Variants in NTM observed in about 807,000 individuals in gnomAD.
NTM encodes neurotrimin, also known as IgLON family member 2.
NTM carries 13 observed loss-of-function variants against 42.1 expected under a neutral mutation model. The observed-to-expected ratio is 0.31, with a 90% CI of 0.20 to 0.49. The LOEUF is 0.49. NTM is among the 20% of genes least tolerant of loss of function. The pLI, the probability that NTM is intolerant of heterozygous loss-of-function variation, is 0.99. For missense variants in NTM, 373 were observed against 452.8 expected (o/e 0.82, Z 1.60); for synonymous variants, 187 against 179.2 (o/e 1.04, Z -0.35).
At chr11:131,738,322 C>T in intron 1 of NTM, among the ~76,000 whole-genome samples, 1 of 152,232 alleles carries the variant, frequency 6.6e-6, no homozygotes, top group East Asian at 1.9e-4. Flanking sequence ...GTGGAACAGG[C>T]ACTACCAGGC....
chr11:132,138,021 C>A (rs1034407524), intron 2 of NTM, among the ~76,000 whole-genome samples: 2 of 152,214 alleles, frequency 1.3e-5, no homozygotes, highest in Non-Finnish European at 2.9e-5. Flanking sequence ...TTCCCCAGCT[C>A]CTTTGTGCTT....
intron 3 of NTM, among the ~76,000 whole-genome samples, chr11:132,195,257 A>T (rs2079996036): frequency 6.6e-6 from 1 of 152,176 alleles, no homozygotes; most frequent in Non-Finnish European, 1.5e-5. Context: ...AAAAATCTAT[A>T]CAATGAGAAT....
intron 1 of NTM, among the ~76,000 whole-genome samples, chr11:131,527,948 G>A (rs1317906369): frequency 1.3e-5 from 2 of 152,182 alleles, no homozygotes; most frequent in East Asian, 1.9e-4. Context: ...AATCTGAAAT[G>A]TTCCAAAATC....
At chr11:131,614,016 T>A (rs752880819) in intron 1 of NTM, among the ~76,000 whole-genome samples, 1 of 152,154 alleles carries the variant, frequency 6.6e-6, no homozygotes, top group Non-Finnish European at 1.5e-5. Flanking sequence ...AAACCTCAAA[T>A]AGTGGTGTCA....
At chr11:131,501,012 G>A (rs2046753008) in intron 1 of NTM, among the ~76,000 whole-genome samples, 1 of 151,832 alleles carries the variant, frequency 6.6e-6, no homozygotes, top group Non-Finnish European at 1.5e-5. Context: ...TAGTTATTAA[G>A]TGGTGGAGCT....
At chr11:132,266,761 A>G (rs1224655188) in intron 4 of NTM, among the ~76,000 whole-genome samples, 2 of 152,188 alleles carry the variant, frequency 1.3e-5, no homozygotes, top group Non-Finnish European at 2.9e-5. Flanking sequence ...GGTCTGGTGG[A>G]AGGAGTTTCA....
chr11:131,670,769 G>A (rs186378157), intron 1 of NTM, among the ~76,000 whole-genome samples: 2 of 152,306 alleles, frequency 1.3e-5, no homozygotes, highest in East Asian at 3.9e-4. Context: ...TGTCCGAGAG[G>A]CGTAGCCCTT....
intron 1 of NTM, among the ~76,000 whole-genome samples, chr11:131,460,093 T>C (rs967864510): frequency 5.3e-5 from 8 of 152,178 alleles, no homozygotes; most frequent in African/African-American, 1.9e-4. Flanking sequence ...TGGGACTGTA[T>C]TAACAGACCA....
chr11:131,556,210 C>T (rs149100788), intron 1 of NTM, among the ~76,000 whole-genome samples: 13 of 152,234 alleles, frequency 8.5e-5, no homozygotes, highest in Non-Finnish European at 1.6e-4. Flanking sequence ...TATCCAGTCC[C>T]CAAGTCACCT....
Position 131,978,165 on chromosome 11 carries a change from A to G in NTM, c.167+66517A>G, listed in dbSNP as rs573751526. Among the ~76,000 whole-genome samples, 36 of 152,318 alleles carry G rather than the reference A, an allele frequency of 2.4e-4. 1 individual carries two copies. Among genetic ancestry groups the G allele is most frequent in the Middle Eastern group, 3.4e-3 (1 of 294 alleles). ...AGATAAAAAGGCTGCTTCAAAACTA[A>G]AGGTATATTTCATACCCTCGAGTGT... On this transcript the variant is annotated intron_variant, in intron 2 of 8. Transcript: ENST00000683400.
intron 1 of NTM, among the ~76,000 whole-genome samples, chr11:131,643,686 C>G (rs144192436): frequency 2.6e-5 from 4 of 152,284 alleles, no homozygotes; most frequent in African/African-American, 9.6e-5. Context: ...TTAAAAAATA[C>G]GCATTGACTT....
chr11:131,538,063 T>C (rs2052562499), intron 1 of NTM: 2 of 152,234 alleles, frequency 1.3e-5, no homozygotes, highest in South Asian at 4.1e-4. Flanking sequence ...ACACTCACTA[T>C]TTTCTCTGGC....
intron 2 of NTM, among the ~76,000 whole-genome samples, chr11:132,076,793 A>G (rs118138176): frequency 0.014 from 2,070 of 152,310 alleles, 26 homozygotes; most frequent in Non-Finnish European, 0.021. Flanking sequence ...TGAAGATCAG[A>G]TAAGCTTTAT....
intron 3 of NTM, among the ~76,000 whole-genome samples, chr11:132,172,332 C>T (rs1221998772): frequency 6.6e-6 from 1 of 152,188 alleles, no homozygotes; most frequent in Non-Finnish European, 1.5e-5. Flanking sequence ...TCTGCTTGAA[C>T]CTTCTCTGCC....
intron 2 of NTM, among the ~76,000 whole-genome samples, chr11:132,120,917 C>CGT (rs1465599449): frequency 1.3e-5 from 2 of 151,886 alleles, no homozygotes; most frequent in South Asian, 2.1e-4. Flanking sequence ...GTGGGGAGTG[C>CGT]GTGTGTGTGT....
intron 1 of NTM, among the ~76,000 whole-genome samples, chr11:131,703,276 CTTTGA>C (rs1308518104): frequency 6.6e-6 from 1 of 152,170 alleles, no homozygotes; most frequent in Non-Finnish European, 1.5e-5. Context: ...ATGTTAATTA[CTTTGA>C]TTTGATCACT....
intron 2 of NTM, among the ~76,000 whole-genome samples, chr11:131,931,468 CGTGTGTGTGT>C (rs147069139): frequency 2.7e-3 from 388 of 142,706 alleles, no homozygotes; most frequent in African/African-American, 8.4e-3. Flanking sequence ...ATAATATATA[CGTGTGTGTGT>C]GTGTGTGTGT....
intron 2 of NTM, among the ~76,000 whole-genome samples, chr11:131,927,877 T>C (rs1391562750): frequency 6.6e-6 from 1 of 152,126 alleles, no homozygotes; most frequent in East Asian, 1.9e-4. Flanking sequence ...AGTATATACA[T>C]ATTTATCCTA....
In NTM at chr11:131,613,236, T is replaced by C. The variant is rs185581652; in HGVS notation, c.82+242348T>C. ...GCACTCTCCTCGCCCTGGAAGCTCATAGGCCACTCCGACAAGCAGACCCTG... is the reference window on the plus strand; with the variant it reads ...GCACTCTCCTCGCCCTGGAAGCTCACAGGCCACTCCGACAAGCAGACCCTG... On this transcript the variant is annotated intron_variant, in intron 1 of 8. Transcript: ENST00000683400. Among the ~76,000 whole-genome samples the C allele has an allele frequency of 1.3e-4, 20 of 152,274 alleles. No homozygotes were observed. The East Asian group carries it at 3.9e-3, about 29-fold the overall frequency.
Sources: allele counts gnomAD v4.1 joint callset (sites outside exome capture counted in the v4.1 genomes callset), GRCh38; gene constraint gnomAD v4.1.1; transcripts MANE v1.5; gene names NCBI Gene and HGNC (gene_info 2026-07-23, HGNC 2026-07-21).